PGM2: variants seen among roughly 807,000 people sequenced by gnomAD.
The protein encoded by PGM2 is phosphoglucomutase 2.
PGM2 carries 57 observed loss-of-function variants against 74.6 expected under a neutral mutation model. That is an observed-to-expected ratio of 0.76 (90% CI 0.62 to 0.95). The LOEUF (loss-of-function observed/expected upper bound fraction) is 0.95. Among genes scored for constraint, PGM2 ranks in the 40% least tolerant of loss-of-function variants. PGM2 has a pLI of 0.00. For synonymous variants in PGM2, 273 were observed against 260.7 expected (o/e 1.05, Z -0.46); for missense variants, 706 against 741.9 (o/e 0.95, Z 0.56).
chr4:37,834,381 A>AGAT (rs372238977), intron 2 of PGM2, among the ~76,000 whole-genome samples: 63 of 152,240 alleles, frequency 4.1e-4, no homozygotes, highest in African/African-American at 1.4e-3. Context: ...CTGAGGTTAG[A>AGAT]GATAACAGCT....
At chr4:37,842,049 A>G (rs1725744227) in intron 6 of PGM2, among the ~76,000 whole-genome samples, 1 of 151,966 alleles carries the variant, frequency 6.6e-6, no homozygotes, top group South Asian at 2.1e-4. Flanking sequence ...ATTTTTCCTG[A>G]TTTGCTAGTT....
intron 1 of PGM2, among the ~76,000 whole-genome samples, chr4:37,828,812 C>CT (rs1389061876): frequency 6.6e-6 from 1 of 152,194 alleles, no homozygotes; most frequent in Non-Finnish European, 1.5e-5. Flanking sequence ...TTATGAGCCT[C>CT]TTTTATGTAC....
In PGM2 at chr4:37,826,730, G is replaced by C. The variant is rs1725299803; in HGVS notation, c.-3G>C. On this transcript the variant is annotated 5_prime_UTR_variant, in exon 1 of 14. Transcript: ENST00000381967. The stretch of plus-strand genomic sequence containing the variant: ...CCTCTGCAGCGGTAGCACAAGCTCA[G>C]CGATGGCGGCTCCAGAAGGCAGCGG... 6 of 1,549,560 alleles carry C rather than the reference G, an allele frequency of 3.9e-6. No individual in the cohort carries two copies. The African/African-American group carries it at 6.8e-5, about 18-fold the overall frequency.
chr4:37,849,056 G>A (rs1412078664), intron 11 of PGM2, among the ~76,000 whole-genome samples: 3 of 145,816 alleles, frequency 2.1e-5, no homozygotes, highest in Non-Finnish European at 3.0e-5. Context: ...GGTGACAAGA[G>A]CTAAACTCTG....
rs1189665867 is a variant in PGM2, at chr4:37,844,525, C to T, written c.881C>T (p.Pro294Leu). 1.2e-5 allele frequency: 19 copies of T among 1,612,500 alleles called. No individual in the cohort carries two copies. The highest frequency in any genetic ancestry group is 4.5e-5 in the East Asian group (2 of 44,874). Residue 294 changes from proline (P) to leucine (L), a missense_variant, in exon 7 of 14, where the codon CCG (proline) becomes CTG (leucine). Physicochemically the swap from Pro to Leu is moderately conservative, Grantham distance 98. Around this residue, in one of 3 missense-constraint regions of PGM2, gnomAD observed 15 missense variants for 35.8 expected, o/e 0.42. Coordinates refer to ENST00000381967, the MANE Select transcript of PGM2 (RefSeq NM_018290.4). ...PDPEFPTVKY[P>L]NPEEGKGVLT... is the part of the protein sequence containing the mutation. The stretch of plus-strand genomic sequence containing the variant: ...CCTGAGTTTCCAACAGTGAAATACC[C>T]GAATCCCGAAGAGGGGAAAGGTGTC...
At chr4:37,836,950 C>A (rs898063703) in intron 3 of PGM2, among the ~76,000 whole-genome samples, 1 of 151,938 alleles carries the variant, frequency 6.6e-6, no homozygotes, top group Non-Finnish European at 1.5e-5. Context: ...AAATTCCAGT[C>A]TGTGTGGTGT....
At chr4:37,841,004 CA>C (rs2152176982) in intron 6 of PGM2, among the ~76,000 whole-genome samples, 1 of 140,242 alleles carries the variant, frequency 7.1e-6, no homozygotes, top group African/African-American at 2.7e-5. Flanking sequence ...AAAACTTGCT[CA>C]AAAGTCTTGA....
intron 3 of PGM2, among the ~76,000 whole-genome samples, chr4:37,837,087 C>T (rs371088618): frequency 1.3e-5 from 2 of 152,272 alleles, no homozygotes; most frequent in South Asian, 4.1e-4. Flanking sequence ...AGCAGCACCC[C>T]TGACCTCTCC....
At position 37,847,213 on chromosome 4, in the gene PGM2, T is replaced by C; in HGVS notation, c.1200T>C (p.Thr400=). The part of the protein sequence containing the change: ...KEGFHFEETL[T]GFKWMGNRAK... ...GATTATCCCTTTAGGAAACATTAAC[T>C]GGCTTTAAGTGGATGGGAAACAGAG... Residue 400 remains threonine (T), a synonymous_variant, in exon 10 of 14, where the codon ACT becomes ACC. Transcript: ENST00000381967. The C allele has an allele frequency of 6.2e-7, 1 of 1,613,538 alleles. No homozygotes were observed. Among genetic ancestry groups the C allele is most frequent in the Non-Finnish European group, 8.5e-7 (1 of 1,179,446 alleles).
At chr4:37,859,176 A>G (rs1482652633) in intron 13 of PGM2, among the ~76,000 whole-genome samples, 4 of 152,188 alleles carry the variant, frequency 2.6e-5, no homozygotes. Context: ...ATTTTTCTGT[A>G]CCATTTGAAA....
chr4:37,856,943 CT>C (rs529310486), intron 13 of PGM2, among the ~76,000 whole-genome samples: 2 of 151,256 alleles, frequency 1.3e-5, no homozygotes, highest in South Asian at 2.1e-4. Context: ...GTTTTACATT[CT>C]TTTTTTTTCC....
rs1169346044 is a variant in PGM2, at chr4:37,839,938, T to C, written c.525+7T>C. 2 of 1,567,630 alleles carry C rather than the reference T, an allele frequency of 1.3e-6. No homozygotes were observed. The highest frequency in any genetic ancestry group is 2.2e-5 in the East Asian group (1 of 44,664). ...GCAGGATAATGGTTATAAGGTATTTTCCTTTTTCTACTCCACACGTACATC... is the reference window on the plus strand; with the variant it reads ...GCAGGATAATGGTTATAAGGTATTTCCCTTTTTCTACTCCACACGTACATC... On this transcript the variant is annotated splice_region_variant and intron_variant, in intron 5 of 13. Coordinates refer to ENST00000381967, the MANE Select transcript of PGM2 (RefSeq NM_018290.4).
At chr4:37,834,257 AC>A (rs1725506602) in intron 2 of PGM2, among the ~76,000 whole-genome samples, 1 of 151,824 alleles carries the variant, frequency 6.6e-6, no homozygotes, top group East Asian at 1.9e-4. Context: ...GATTGCTTAA[AC>A]CCAGGAATTC....
In PGM2 at chr4:37,854,873, T is replaced by C. The variant is rs544996632; in HGVS notation, c.1603-735T>C. Reference sequence around the variant, plus strand: ...AGTAAAAGCTAATACACAAAGTTACTTAATTTTCTTTATTTAAAATTAATT... The same window carrying C: ...AGTAAAAGCTAATACACAAAGTTACCTAATTTTCTTTATTTAAAATTAATT... On this transcript the variant is annotated intron_variant, in intron 12 of 13. Coordinates refer to ENST00000381967, the MANE Select transcript of PGM2 (RefSeq NM_018290.4). 4.8e-4 allele frequency among the ~76,000 whole-genome samples: 73 copies of C among 152,160 alleles called. 1 individual carries two copies. The highest frequency in any genetic ancestry group is 1.5e-3 in the African/African-American group (62 of 41,588).
chr4:37,856,495 A>G (rs1001401141), intron 13 of PGM2, among the ~76,000 whole-genome samples: 5 of 152,156 alleles, frequency 3.3e-5, no homozygotes, highest in Admixed American at 3.3e-4. Context: ...GGGCACAGAG[A>G]GCCTCATCAG....
At chr4:37,831,421 A>G (rs187346118) in intron 2 of PGM2, among the ~76,000 whole-genome samples, 23 of 152,332 alleles carry the variant, frequency 1.5e-4, no homozygotes, top group African/African-American at 5.5e-4. Context: ...GTTTAAAACA[A>G]CAACCACATT....
intron 11 of PGM2, among the ~76,000 whole-genome samples, chr4:37,848,898 C>T (rs1236254988): frequency 6.6e-6 from 1 of 151,914 alleles, no homozygotes; most frequent in African/African-American, 2.4e-5. Flanking sequence ...GGTGAAACCC[C>T]GTCTCCACTA....
intron 12 of PGM2, among the ~76,000 whole-genome samples, chr4:37,851,858 GTTA>G (rs1311311711): frequency 9.9e-5 from 15 of 152,022 alleles, no homozygotes; most frequent in African/African-American, 3.1e-4. Flanking sequence ...CCGTGCTTTT[GTTA>G]TTATGACTAG....
At chr4:37,833,894 A>C (rs758422183) in intron 2 of PGM2, among the ~76,000 whole-genome samples, 1 of 150,206 alleles carries the variant, frequency 6.7e-6, no homozygotes, top group Non-Finnish European at 1.5e-5. Flanking sequence ...TGGAGTACAA[A>C]TTCTCAGATT....
Sources: allele counts gnomAD v4.1 joint callset (sites outside exome capture counted in the v4.1 genomes callset), GRCh38; gene constraint gnomAD v4.1.1; regional missense constraint gnomAD v4.1.1; transcripts MANE v1.5; gene names NCBI Gene and HGNC (gene_info 2026-07-23, HGNC 2026-07-21).